Variants in NLK observed in about 807,000 individuals in gnomAD.
NLK encodes serine/threonine-protein kinase NLK.
Under a neutral mutation model 59.0 loss-of-function variants are expected in NLK, and 11 were observed. The ratio of observed to expected loss-of-function variants is 0.19; its 90% confidence interval spans 0.12 to 0.31. NLK has a LOEUF of 0.31. Among genes scored for constraint, NLK ranks in the 10% least tolerant of loss-of-function variants. NLK has a pLI of 1.00. For synonymous variants in NLK, 235 were observed against 235.9 expected (o/e 1.00, Z 0.03); for missense variants, 410 against 661.1 (o/e 0.62, Z 4.16).
intron 8 of NLK, among the ~76,000 whole-genome samples, chr17:28,187,548 C>T (rs1909164137): frequency 6.6e-6 from 1 of 152,162 alleles, no homozygotes; most frequent in South Asian, 2.1e-4. Flanking sequence ...GATCCACCTG[C>T]CTTGGCCTCC....
intron 7 of NLK, among the ~76,000 whole-genome samples, 184 bp from the exon 8 acceptor site, chr17:28,184,995 T>A (rs1416722610): frequency 6.6e-6 from 1 of 152,080 alleles, no homozygotes; most frequent in East Asian, 1.9e-4. Context: ...ATAAAAATGC[T>A]ACGGGAAGTT....
chr17:28,201,546 AAAAAG>A, the NLK span, among the ~76,000 whole-genome samples: 7,164 of 151,976 alleles, frequency 0.047, 197 homozygotes, highest in Non-Finnish European at 0.059. Flanking sequence ...CATGTCAAAA[AAAAAG>A]AAAAGAAAAG....
chr17:28,127,896 A>G (rs1219016410), intron 2 of NLK, among the ~76,000 whole-genome samples: 2 of 152,184 alleles, frequency 1.3e-5, no homozygotes, highest in East Asian at 3.8e-4. Context: ...AGCACAAGAT[A>G]TGGAGCCAGA....
At chr17:28,053,976 G>A (rs1342836926) in intron 1 of NLK, among the ~76,000 whole-genome samples, 2 of 152,148 alleles carry the variant, frequency 1.3e-5, no homozygotes, top group East Asian at 1.9e-4. Flanking sequence ...ATGCAGCCTG[G>A]TGCAGAGGGT....
rs1315500795 is a variant in NLK, at chr17:28,195,545, CA to C, written c.*914del. The C allele has an allele frequency of 2.0e-5, 3 of 151,588 alleles. No individual in the cohort carries two copies. The highest frequency in any genetic ancestry group is 2.9e-5 in the Non-Finnish European group (2 of 67,848). 9.4% of individuals were successfully genotyped at this position (151,588 alleles called of 1,614,324 possible). ...TGGACAGTAAAAAAATAATAAAAGA[CA>C]AAAACAAATTTAAAAAAAAATTTAA... On this transcript the variant is annotated 3_prime_UTR_variant, in exon 11 of 11. Coordinates refer to ENST00000407008, the MANE Select transcript of NLK (RefSeq NM_016231.5).
intron 1 of NLK, among the ~76,000 whole-genome samples, chr17:28,092,310 T>G (rs1328138436): frequency 6.6e-6 from 1 of 152,006 alleles, no homozygotes; most frequent in Non-Finnish European, 1.5e-5. Context: ...CTACTCAGCA[T>G]TTTCATTTGT....
At position 28,081,205 on chromosome 17, in the gene NLK, T is replaced by C. The variant is rs368354161; in HGVS notation, c.458+37874T>C. Among the ~76,000 whole-genome samples the C allele has an allele frequency of 6.6e-5, 10 of 152,048 alleles. 1 individual carries two copies. Among genetic ancestry groups the C allele is most frequent in the African/African-American group, 2.2e-4 (9 of 41,482 alleles). ...ATGCCAGGCCTAGACCTGGTTTGTT[T>C]TTGTTGTTTTTGAGACAGGGTCTCA... On this transcript the variant is annotated intron_variant, in intron 1 of 10. Coordinates refer to ENST00000407008, the MANE Select transcript of NLK (RefSeq NM_016231.5).
intron 7 of NLK, among the ~76,000 whole-genome samples, chr17:28,173,897 A>G (rs765234347): frequency 6.6e-6 from 1 of 152,218 alleles, no homozygotes; most frequent in Non-Finnish European, 1.5e-5. Context: ...TTCAAGGTAA[A>G]CAATAATGAA....
chr17:28,192,363 G>T (rs1597730197), intron 10 of NLK, 150 bp downstream of exon 10: 2 of 588,256 alleles, frequency 3.4e-6, no homozygotes, highest in South Asian at 4.3e-5. Flanking sequence ...TTAGTCAAAA[G>T]TGTATTAAAA....
chr17:28,168,580 A>G lies in NLK; in HGVS notation c.970A>G (p.Ile324Val). 1 of 1,613,876 alleles carries G rather than the reference A, an allele frequency of 6.2e-7. No homozygotes were observed. Among genetic ancestry groups the G allele is most frequent in the Non-Finnish European group, 8.5e-7 (1 of 1,179,770 alleles). ...GSRHYSNAID[I>V]WSVGCIFAEL... The stretch of plus-strand genomic sequence containing the variant: ...CCGTCATTACAGCAATGCTATTGAC[A>G]TCTGGTCTGTGGGATGTATCTTTGC... Residue 324 changes from isoleucine (I) to valine (V), a missense_variant, in exon 6 of 11, where the codon ATC becomes GTC. Around this residue, in one of 5 missense-constraint regions of NLK, gnomAD observed 150 missense variants for 244.3 expected, o/e 0.61. Coordinates refer to ENST00000407008, the MANE Select transcript of NLK (RefSeq NM_016231.5).
chr17:28,135,325 T>C (rs1906698109), intron 3 of NLK, among the ~76,000 whole-genome samples: 1 of 152,214 alleles, frequency 6.6e-6, no homozygotes, highest in South Asian at 2.1e-4. Context: ...AGGTTTTTAT[T>C]GTGGGTCAGT....
intron 1 of NLK, among the ~76,000 whole-genome samples, chr17:28,052,888 GTT>G (rs768444319): frequency 6.2e-5 from 7 of 112,498 alleles, no homozygotes; most frequent in African/African-American, 6.6e-5. Context: ...GATCTCTGGT[GTT>G]TTTTTTTTTT....
rs1410696976 is a variant in NLK, at chr17:28,163,563, G to T, written c.772G>T (p.Ala258Ser). The change falls in exon 5 of 11, where the codon GCT becomes TCT. Residue 258 changes from alanine (A) to serine (S), a missense_variant. Physicochemically the swap from Ala to Ser is moderately conservative, Grantham distance 99. Around this residue, in one of 5 missense-constraint regions of NLK, gnomAD observed 73 missense variants for 197.2 expected, o/e 0.37. Transcript: ENST00000407008. ...TTCAGGTTTGAAATATCTCCATTCA[G>T]CTGGCATTTTACATCGAGACATTAA... ...ILRGLKYLHS[A>S]GILHRDIKPG... 6.2e-7 allele frequency: 1 copy of T among 1,602,484 alleles called. No homozygotes were observed. Among genetic ancestry groups the T allele is most frequent in the South Asian group, 1.1e-5 (1 of 89,932 alleles).
At chr17:28,055,594 C>T (rs1909413829) in intron 1 of NLK, among the ~76,000 whole-genome samples, 1 of 152,084 alleles carries the variant, frequency 6.6e-6, no homozygotes, top group South Asian at 2.1e-4. Context: ...GTTCTCCCAC[C>T]TCAGCCTCCC....
chr17:28,077,459 C>T (rs1366291719), intron 1 of NLK, among the ~76,000 whole-genome samples: 2 of 152,028 alleles, frequency 1.3e-5, no homozygotes, highest in African/African-American at 2.4e-5. Context: ...GTCCCTCCCA[C>T]AACATGTAGG....
intron 9 of NLK, among the ~76,000 whole-genome samples, chr17:28,191,523 T>C (rs1044980409): frequency 2.6e-5 from 4 of 152,234 alleles, no homozygotes; most frequent in Non-Finnish European, 4.4e-5. Context: ...TATTGAACTT[T>C]ATATAACATA....
chr17:28,163,271 G>C (rs1047473785), intron 4 of NLK, among the ~76,000 whole-genome samples: 5 of 152,176 alleles, frequency 3.3e-5, no homozygotes, highest in African/African-American at 1.2e-4. Context: ...GTCTTAACTC[G>C]AGTGCCTAAG....
chr17:28,052,730 AATT>A (rs1909300783), intron 1 of NLK, among the ~76,000 whole-genome samples: 1 of 152,166 alleles, frequency 6.6e-6, no homozygotes, highest in African/African-American at 2.4e-5. Context: ...TCACTATAAA[AATT>A]ATTAATGATC....
intron 3 of NLK, among the ~76,000 whole-genome samples, chr17:28,143,465 A>G (rs1011907556): frequency 6.6e-6 from 1 of 152,094 alleles, no homozygotes; most frequent in Non-Finnish European, 1.5e-5. Flanking sequence ...TTCTGTCCAT[A>G]TTAAATGAAA....
Sources: allele counts gnomAD v4.1 joint callset (sites outside exome capture counted in the v4.1 genomes callset), GRCh38; gene constraint gnomAD v4.1.1; regional missense constraint gnomAD v4.1.1; transcripts MANE v1.5; gene names NCBI Gene and HGNC (gene_info 2026-07-23, HGNC 2026-07-21).